The following DLG2 variants were observed in gnomAD, a reference collection of about 807,000 sequenced individuals.
DLG2 encodes the protein discs large MAGUK scaffold protein 2, also known as disks large homolog 2.
DLG2 carries 45 observed loss-of-function variants against 132.5 expected under a neutral mutation model. The ratio of observed to expected loss-of-function variants is 0.34; its 90% confidence interval spans 0.27 to 0.44. DLG2 has a LOEUF of 0.44. DLG2 is among the 20% of genes least tolerant of loss of function. DLG2 has a pLI of 1.00. For missense variants in DLG2, 1,045 were observed against 1,196.9 expected, an observed-to-expected ratio of 0.87 and a Z score of 1.87; for synonymous variants, 424 against 419.6, an observed-to-expected ratio of 1.01 and a Z score of -0.13.
chr11:84,708,909 A>T (rs1439351479), intron 6 of DLG2, among the ~76,000 whole-genome samples: 1 of 151,940 alleles, frequency 6.6e-6, no homozygotes, highest in East Asian at 1.9e-4. Context: ...TTAAATAAAG[A>T]AAATAAAGTT....
chr11:84,593,301 C>A (rs1421993183), intron 6 of DLG2, among the ~76,000 whole-genome samples: 1 of 152,014 alleles, frequency 6.6e-6, no homozygotes, highest in Non-Finnish European at 1.5e-5. Context: ...TGGATATATA[C>A]CCAAAGGATT....
rs77344882 is a variant in DLG2 at position 85,410,026 on chromosome 11, C to A, written c.41-124661G>T. On this transcript the variant is annotated intron_variant, in intron 3 of 27. Transcript: ENST00000376104. Reference sequence around the variant, plus strand: ...ACAGTGGTGGGTCCAGGTTTTAGTACGGAATGGCATAGCATACTAGAATCT... The same window carrying A: ...ACAGTGGTGGGTCCAGGTTTTAGTAAGGAATGGCATAGCATACTAGAATCT... Among the ~76,000 whole-genome samples the A allele has an allele frequency of 2.6e-5, 4 of 151,748 alleles. No individual in the cohort carries two copies. In the South Asian group the frequency reaches 8.3e-4, roughly 31 times the overall value.
At chr11:85,161,520 G>A (rs1383820918) in intron 4 of DLG2, among the ~76,000 whole-genome samples, 1 of 152,170 alleles carries the variant, frequency 6.6e-6, no homozygotes, top group Non-Finnish European at 1.5e-5. Flanking sequence ...TATCCTCACT[G>A]GAATAGACAG....
intron 6 of DLG2, among the ~76,000 whole-genome samples, chr11:84,836,863 ACTTT>A (rs1222462937): frequency 7.1e-6 from 1 of 141,038 alleles, no homozygotes; most frequent in Non-Finnish European, 1.6e-5. Context: ...TAAAGCATAT[ACTTT>A]TTTTTATTAC....
At chr11:83,828,845 T>C (rs2053657042) in intron 17 of DLG2, among the ~76,000 whole-genome samples, 1 of 152,050 alleles carries the variant, frequency 6.6e-6, no homozygotes, top group Non-Finnish European at 1.5e-5. Flanking sequence ...TCTCTTCTCT[T>C]TCTTCAGTGT....
intron 3 of DLG2, among the ~76,000 whole-genome samples, chr11:85,471,525 C>A (rs532656967): frequency 4.9e-4 from 74 of 152,178 alleles, no homozygotes; most frequent in African/African-American, 1.6e-3. Flanking sequence ...GAAAAATAGA[C>A]AAATTTAAAG....
intron 18 of DLG2, among the ~76,000 whole-genome samples, chr11:83,668,441 T>C (rs560153718): frequency 6.6e-6 from 1 of 152,308 alleles, no homozygotes; most frequent in African/African-American, 2.4e-5. Context: ...CTACCTGGGA[T>C]AGCCTTGGTT....
chr11:84,908,233 T>G (rs1207754866), intron 6 of DLG2, among the ~76,000 whole-genome samples: 1 of 152,170 alleles, frequency 6.6e-6, no homozygotes, highest in Admixed American at 6.5e-5. Flanking sequence ...TCAATTTTAA[T>G]ACTACATTTT....
intron 7 of DLG2, among the ~76,000 whole-genome samples, chr11:84,286,765 G>C (rs1483235806): frequency 1.3e-5 from 2 of 152,142 alleles, no homozygotes; most frequent in East Asian, 3.9e-4. Context: ...AGGTAAATTT[G>C]ACTCAGAGAT....
intron 7 of DLG2, among the ~76,000 whole-genome samples, chr11:84,265,655 T>G (rs1294886017): frequency 1.3e-5 from 2 of 152,122 alleles, no homozygotes; most frequent in African/African-American, 4.8e-5. Flanking sequence ...TATACTACTT[T>G]GAAAATTGTA....
chr11:83,871,580 G>A (rs994780398), intron 16 of DLG2, among the ~76,000 whole-genome samples: 1 of 152,118 alleles, frequency 6.6e-6, no homozygotes, highest in African/African-American at 2.4e-5. Flanking sequence ...ACTTTAATGG[G>A]AAACCTGTTA....
At chr11:84,779,177 C>CAT (rs201894018) in intron 6 of DLG2, among the ~76,000 whole-genome samples, 295 of 148,740 alleles carry the variant, frequency 2.0e-3, no homozygotes, top group African/African-American at 2.5e-3. Flanking sequence ...TTCCCTTTCT[C>CAT]ATATATATAT....
chr11:83,758,872 T>A (rs182184462), intron 18 of DLG2, among the ~76,000 whole-genome samples: 3 of 152,356 alleles, frequency 2.0e-5, no homozygotes, highest in Non-Finnish European at 2.9e-5. Flanking sequence ...TTTACCATTT[T>A]GTAATATAAT....
At chr11:83,563,572 G>A (rs603174) in intron 19 of DLG2, among the ~76,000 whole-genome samples, 70,325 of 152,018 alleles carry the variant, frequency 0.46, 16,785 homozygotes, top group Admixed American at 0.56. Flanking sequence ...GAGTACAATC[G>A]TGTTAAAAGC....
intron 3 of DLG2, among the ~76,000 whole-genome samples, chr11:85,463,571 G>A (rs935492949): frequency 6.6e-6 from 1 of 152,168 alleles, no homozygotes; most frequent in Non-Finnish European, 1.5e-5. Context: ...TGGAGGCCAG[G>A]AGTATGAGAC....
At chr11:85,305,027 C>T (rs2079847974) in intron 3 of DLG2, among the ~76,000 whole-genome samples, 1 of 152,138 alleles carries the variant, frequency 6.6e-6, no homozygotes, top group Non-Finnish European at 1.5e-5. Context: ...ATTGTAGGTT[C>T]TCAGTAAATA....
intron 15 of DLG2, among the ~76,000 whole-genome samples, chr11:83,915,490 A>G (rs1268895043): frequency 1.3e-5 from 2 of 152,204 alleles, no homozygotes; most frequent in Non-Finnish European, 2.9e-5. Flanking sequence ...TTTTTGCAAA[A>G]CACCAAACAA....
chr11:84,533,905 CAAAAAAAAAAAA>C (rs558597260), intron 7 of DLG2, among the ~76,000 whole-genome samples: 22 of 70,284 alleles, frequency 3.1e-4, no homozygotes, highest in African/African-American at 1.1e-3. Context: ...CCAGTTCAGC[CAAAAAAAAAAAA>C]AAAAAAAAAA....
rs71066064 is a variant in DLG2 at position 83,770,265 on chromosome 11, G to GTTTTTTTTTTTTTTTTTTT, written c.1825+16424_1825+16425insAAAAAAAAAAAAAAAAAAA. ...CTCGTGGTGTCTGGTGTTTTTTTTT[G>GTTTTTTTTTTTTTTTTTTT]TTTTTTTGCTTTTTGTACAAAGATT... On this transcript the variant is annotated intron_variant, in intron 18 of 27. Coordinates refer to ENST00000376104, the MANE Select transcript of DLG2 (RefSeq NM_001142699.3). 2.8e-4 allele frequency among the ~76,000 whole-genome samples: 36 copies of GTTTTTTTTTTTTTTTTTTT among 128,770 alleles called. 2 individuals are homozygous for GTTTTTTTTTTTTTTTTTTT. The highest frequency in any genetic ancestry group is 4.3e-4 in the African/African-American group (13 of 30,570). The allele number at this position is 128,770 out of a possible 152,430, so 84.5% of individuals were successfully genotyped here. A position where few individuals can be genotyped will look rare whatever the true frequency, so the allele number is the denominator to read the frequency against.
Sources: gnomAD v4.1 joint callset for allele counts (sites outside exome capture counted in the v4.1 genomes callset) on GRCh38, gnomAD v4.1.1 for gene constraint, MANE v1.5 for transcripts, NCBI Gene and HGNC (gene_info 2026-07-23, HGNC 2026-07-21) for gene names.